ARMC3: variants seen among roughly 807,000 people sequenced by gnomAD.
ARMC3 encodes the protein armadillo repeat containing 3.
In ARMC3, 74 loss-of-function variants were observed where a neutral mutation model predicts 90.3. The ratio of observed to expected loss-of-function variants is 0.82; its 90% CI spans 0.68 to 0.99. ARMC3 has a LOEUF of 0.99. ARMC3 is among the 50% of genes least tolerant of loss of function. The pLI, the probability that ARMC3 is intolerant of heterozygous loss-of-function variation, is 0.00. For missense variants in ARMC3, 958 were observed against 1,042.8 expected (o/e 0.92, Z 1.12); for synonymous variants, 334 against 361.8 (o/e 0.92, Z 0.87).
At chr10:22,942,681 G>A (rs761715180) in intron 2 of ARMC3, among the ~76,000 whole-genome samples, 5 of 152,118 alleles carry the variant, frequency 3.3e-5, no homozygotes, top group Non-Finnish European at 5.9e-5. Flanking sequence ...CTGTTCGACA[G>A]TACCTACAAA....
chr10:23,023,862 A>G (rs2131544719), intron 16 of ARMC3, among the ~76,000 whole-genome samples: 1 of 152,316 alleles, frequency 6.6e-6, no homozygotes, highest in Non-Finnish European at 1.5e-5. Context: ...TTACGGGACA[A>G]TAATAAAAGA....
intron 7 of ARMC3, 100 bp downstream of exon 7, chr10:22,962,178 AG>A: frequency 1.1e-6 from 1 of 890,708 alleles, no homozygotes; most frequent in Non-Finnish European, 1.5e-6. Flanking sequence ...TAAGTGTAAT[AG>A]ATTAATTTGC....
rs1588903602 is a variant in ARMC3 at position 23,003,318 on chromosome 10, T to G, written c.1635T>G (p.Asn545Lys). 3 of 1,613,792 alleles carry G rather than the reference T, an allele frequency of 1.9e-6. No individual in the cohort carries two copies. In the East Asian group the frequency reaches 6.7e-5, roughly 36 times the overall value. The change falls in exon 13 of 19, where the codon AAT (asparagine) becomes AAG (lysine). Residue 545 changes from asparagine to lysine, a missense_variant. By Grantham distance (94) the Asn-to-Lys change is moderately conservative. Transcript: ENST00000298032. ...RKNKFSEAAY[N>K]KLLNNNLSLK... is the part of the protein sequence containing the mutation. ...ATAAATTCAGTGAGGCAGCTTATAA[T>G]AAGTTGCTCAATAACAATCTTTCCC...
intron 8 of ARMC3, among the ~76,000 whole-genome samples, chr10:22,977,351 T>C (rs570097848): frequency 8.5e-5 from 13 of 152,298 alleles, no homozygotes; most frequent in African/African-American, 2.6e-4. Flanking sequence ...GTTCCCACTA[T>C]GGTAGATTAA....
At chr10:23,013,176 G>A (rs947382254) in intron 16 of ARMC3, among the ~76,000 whole-genome samples, 8 of 150,898 alleles carry the variant, frequency 5.3e-5, no homozygotes, top group Non-Finnish European at 5.9e-5. Flanking sequence ...TGGGATTACA[G>A]GCGTGAAACA....
intron 10 of ARMC3, among the ~76,000 whole-genome samples, chr10:22,991,673 G>A (rs1346623655): frequency 6.6e-6 from 1 of 152,148 alleles, no homozygotes; most frequent in African/African-American, 2.4e-5. Context: ...TGTGGAAAGA[G>A]GGCCATGGCC....
At chr10:23,012,471 C>T (rs889155165) in intron 16 of ARMC3, among the ~76,000 whole-genome samples, 5 of 152,110 alleles carry the variant, frequency 3.3e-5, no homozygotes, top group Admixed American at 2.6e-4. Context: ...GAGTCCAGAC[C>T]TGTGTGTCCA....
In ARMC3 at chr10:23,032,996, C is replaced by T; in HGVS notation, c.2382C>T (p.Ile794=). The T allele has an allele frequency of 6.2e-7, 1 of 1,612,724 alleles. No individual in the cohort carries two copies. The highest frequency in any genetic ancestry group is 8.5e-7 in the Non-Finnish European group (1 of 1,179,240). Reference sequence around the variant, plus strand: ...CGATTGGACATGTCAAAAAAGGAATCTTCTACCATCGAGCTTTGCTTTTCA... The same window carrying T: ...CGATTGGACATGTCAAAAAAGGAATTTTCTACCATCGAGCTTTGCTTTTCA... The part of the protein sequence containing the change: ...VIPIGHVKKG[I]FYHRALLFKA... Residue 794 remains isoleucine, a synonymous_variant, in exon 18 of 19, where the codon ATC becomes ATT. Transcript: ENST00000298032.
chr10:23,031,492 C>T (rs1161239947), intron 17 of ARMC3, among the ~76,000 whole-genome samples: 1 of 152,198 alleles, frequency 6.6e-6, no homozygotes, highest in Non-Finnish European at 1.5e-5. Context: ...GAGCTTGCAT[C>T]TCCTCCAAAT....
At chr10:22,946,288 CT>C (rs1261595967) in intron 3 of ARMC3, 27 bp downstream of exon 3, 1 of 1,460,406 alleles carries the variant, frequency 6.8e-7, no homozygotes, top group Admixed American at 1.8e-5. Context: ...GTTTATCTTT[CT>C]GTTTCATTAA....
intron 8 of ARMC3, among the ~76,000 whole-genome samples, chr10:22,976,637 CT>C (rs1430390794): frequency 6.6e-6 from 1 of 152,192 alleles, no homozygotes; most frequent in Non-Finnish European, 1.5e-5. Flanking sequence ...CCTGAGCACT[CT>C]TACTTATGAC....
chr10:22,948,223 T>C (rs1217096857), intron 3 of ARMC3, among the ~76,000 whole-genome samples: 1 of 152,146 alleles, frequency 6.6e-6, no homozygotes, highest in East Asian at 1.9e-4. Context: ...TTTGAGTGGA[T>C]GGTGTAGAAT....
At chr10:22,933,555 A>G (rs1459860676) in intron 2 of ARMC3, among the ~76,000 whole-genome samples, 1 of 152,118 alleles carries the variant, frequency 6.6e-6, no homozygotes, top group Non-Finnish European at 1.5e-5. Context: ...GAGGTAGCCA[A>G]TGGCGGGTGT....
intron 10 of ARMC3, among the ~76,000 whole-genome samples, chr10:22,991,951 G>A (rs1256824262): frequency 6.6e-6 from 1 of 152,122 alleles, no homozygotes; most frequent in Non-Finnish European, 1.5e-5. Flanking sequence ...GAAACATTTG[G>A]TAGCTGCAAA....
At chr10:22,979,886 A>G (rs1270972142) in intron 8 of ARMC3, among the ~76,000 whole-genome samples, 8 of 152,208 alleles carry the variant, frequency 5.3e-5, no homozygotes, top group Admixed American at 5.2e-4. Context: ...ATGAATGAGC[A>G]GGAGCGTTAA....
At chr10:22,971,319 TAATGTGAATAATGTTGCTAAG>T (rs1835674609) in intron 8 of ARMC3, among the ~76,000 whole-genome samples, 1 of 152,206 alleles carries the variant, frequency 6.6e-6, no homozygotes, top group Admixed American at 6.5e-5. Flanking sequence ...GCCTTTTGGT[TAATGTGAATAATGTTGCTAAG>T]AATGTGGGTA....
At chr10:23,025,481 G>A (rs981462115) in intron 16 of ARMC3, among the ~76,000 whole-genome samples, 12 of 152,052 alleles carry the variant, frequency 7.9e-5, no homozygotes, top group Admixed American at 4.6e-4. Flanking sequence ...ATTGAATGAT[G>A]CACTTCTCAA....
chr10:23,022,494 T>A (rs1838551314), intron 16 of ARMC3, among the ~76,000 whole-genome samples: 1 of 152,090 alleles, frequency 6.6e-6, no homozygotes. Flanking sequence ...ACCCTATGAC[T>A]TGGGGGAAAA....
chr10:22,957,930 C>T (rs528763448), intron 4 of ARMC3, among the ~76,000 whole-genome samples: 1 of 152,106 alleles, frequency 6.6e-6, no homozygotes, highest in Admixed American at 6.5e-5. Flanking sequence ...GGCATGGTGG[C>T]TCACGCCTAT....
Sources: allele counts gnomAD v4.1 joint callset (sites outside exome capture counted in the v4.1 genomes callset), GRCh38; gene constraint gnomAD v4.1.1; transcripts MANE v1.5; gene names NCBI Gene and HGNC (gene_info 2026-07-23, HGNC 2026-07-21).